Variants in CRACR2A observed in about 807,000 individuals in gnomAD.
The protein encoded by CRACR2A is calcium release activated channel regulator 2A.
In CRACR2A, 79 loss-of-function variants were observed where a neutral mutation model predicts 90.5. The observed-to-expected ratio is 0.87, with a 90% CI of 0.73 to 1.05. The LOEUF is 1.05. Among genes scored for constraint, CRACR2A ranks in the 50% least tolerant of loss-of-function variants. The pLI, the probability that CRACR2A is intolerant of heterozygous loss-of-function variation, is 0.00. For missense variants in CRACR2A, 823 were observed against 897.2 expected (o/e 0.92, Z 1.06); for synonymous variants, 338 against 356.7 (o/e 0.95, Z 0.59).
chr12:3,750,138 G>T (rs942853746), intron 1 of CRACR2A, among the ~76,000 whole-genome samples: 2 of 150,396 alleles, frequency 1.3e-5, no homozygotes, highest in Non-Finnish European at 2.9e-5. Flanking sequence ...GTTTTGCCAC[G>T]TTGGCCAGGC....
chr12:3,726,869 A>C (rs1012856143), intron 2 of CRACR2A: 2 of 152,194 alleles, frequency 1.3e-5, no homozygotes, highest in Non-Finnish European at 2.9e-5. Flanking sequence ...GAAAGAAAAA[A>C]AAAAGTGGCT....
intron 13 of CRACR2A, among the ~76,000 whole-genome samples, chr12:3,641,030 A>C (rs1944557614): frequency 6.6e-6 from 1 of 152,208 alleles, no homozygotes; most frequent in Non-Finnish European, 1.5e-5. Context: ...CTTCATAGCC[A>C]ATATAGTCAT....
intron 5 of CRACR2A, 62 bp downstream of exon 5, chr12:3,680,176 C>T (rs1945419029): frequency 7.3e-7 from 1 of 1,368,436 alleles, no homozygotes; most frequent in Admixed American, 1.7e-5. Flanking sequence ...GACAGGAATG[C>T]ACCTTATACA....
chr12:3,702,532 A>C (rs1168136597), intron 3 of CRACR2A, among the ~76,000 whole-genome samples: 1 of 152,198 alleles, frequency 6.6e-6, no homozygotes, highest in Non-Finnish European at 1.5e-5. Flanking sequence ...ATTGAAATAA[A>C]AATATCATTT....
chr12:3,649,814 A>G (rs1944762607), intron 10 of CRACR2A, among the ~76,000 whole-genome samples: 1 of 151,896 alleles, frequency 6.6e-6, no homozygotes, highest in Non-Finnish European at 1.5e-5. Context: ...GAAGGAAGAA[A>G]GGGAGGGAAG....
At chr12:3,648,710 G>A in intron 10 of CRACR2A, 97 bp from the exon 11 acceptor site, 2 of 1,497,778 alleles carry the variant, frequency 1.3e-6, no homozygotes, top group Non-Finnish European at 9.0e-7. Context: ...CCGTGCTGGG[G>A]ATGGAGGGCA....
intron 1 of CRACR2A, among the ~76,000 whole-genome samples, chr12:3,739,619 C>T (rs1946495830): frequency 6.6e-6 from 1 of 152,070 alleles, no homozygotes; most frequent in Non-Finnish European, 1.5e-5. Context: ...ATATTTTGAA[C>T]AAAATATTTA....
chr12:3,652,744 C>G (rs1347214006), intron 10 of CRACR2A, among the ~76,000 whole-genome samples: 1 of 152,064 alleles, frequency 6.6e-6, no homozygotes, highest in Non-Finnish European at 1.5e-5. Context: ...CTACCTGGTA[C>G]CTTTCAGGAT....
chr12:3,682,177 T>C (rs763906318), intron 4 of CRACR2A, among the ~76,000 whole-genome samples: 2 of 152,226 alleles, frequency 1.3e-5, no homozygotes, highest in Non-Finnish European at 2.9e-5. Flanking sequence ...ATTCCAGTCC[T>C]TCCTTTGGAT....
intron 3 of CRACR2A, among the ~76,000 whole-genome samples, chr12:3,704,227 A>C (rs1015553917): frequency 1.3e-5 from 2 of 152,264 alleles, no homozygotes; most frequent in Non-Finnish European, 2.9e-5. Flanking sequence ...AAAGGGAATG[A>C]ACTGTTGATC....
intron 2 of CRACR2A, among the ~76,000 whole-genome samples, chr12:3,714,633 GA>G (rs1486127615): frequency 6.6e-6 from 1 of 152,200 alleles, no homozygotes; most frequent in Admixed American, 6.5e-5. Flanking sequence ...GTAACCTTAA[GA>G]GATGATTTTT....
In CRACR2A at chr12:3,643,042, A is replaced by C. The variant is rs1228168734; in HGVS notation, c.1165-1204T>G. ...CCTTTCAAAGCAGAATGAGTTTGGC[A>C]GGTAAAGGGAAGGGAGGTGAAGGGA... On this transcript the variant is annotated intron_variant, in intron 12 of 19. Coordinates refer to ENST00000440314, the MANE Select transcript of CRACR2A (RefSeq NM_001144958.2). Among the ~76,000 whole-genome samples the C allele has an allele frequency of 2.6e-5, 4 of 152,202 alleles. No homozygotes were observed. The East Asian group carries it at 7.7e-4, about 29-fold the overall frequency.
rs766978894 is a variant in CRACR2A, at chr12:3,656,383, G to T, written c.786C>A (p.Arg262=). ...ACAGTTTCTGCTCCAGCTCTTGACT[G>T]CGGGCTTGAAACCTCTCTGTGTCCT... The part of the protein sequence containing the change: ...LLKDTERFQA[R]SQELEQKLLC... The change falls in exon 9 of 20, where the codon CGC becomes CGA. Residue 262 remains arginine (R), a synonymous_variant. Coordinates refer to ENST00000440314, the MANE Select transcript of CRACR2A (RefSeq NM_001144958.2). 1 of 1,614,110 alleles carries T rather than the reference G, an allele frequency of 6.2e-7. No individual in the cohort carries two copies. Among genetic ancestry groups the T allele is most frequent in the Non-Finnish European group, 8.5e-7 (1 of 1,180,024 alleles).
chr12:3,697,835 AG>A (rs1264744838), intron 3 of CRACR2A, among the ~76,000 whole-genome samples: 2 of 152,224 alleles, frequency 1.3e-5, no homozygotes, highest in African/African-American at 4.8e-5. Flanking sequence ...GGCTGTTTTC[AG>A]CCCAAACCGA....
intron 1 of CRACR2A, among the ~76,000 whole-genome samples, chr12:3,744,655 G>A (rs1946581073): frequency 6.6e-6 from 1 of 152,204 alleles, no homozygotes; most frequent in Non-Finnish European, 1.5e-5. Context: ...TCTCACAGAA[G>A]TGCTTTTGAT....
intron 13 of CRACR2A, among the ~76,000 whole-genome samples, chr12:3,640,235 A>G (rs1031418616): frequency 2.0e-5 from 3 of 152,188 alleles, no homozygotes; most frequent in African/African-American, 7.2e-5. Context: ...TCTGCATTAG[A>G]ATTCAGGGCT....
At chr12:3,745,825 T>TAAATAAAATAAAATAAAATAAAG in intron 1 of CRACR2A, among the ~76,000 whole-genome samples, 1 of 100,486 alleles carries the variant, frequency 1.0e-5, no homozygotes, top group Non-Finnish European at 2.0e-5. Context: ...TAAAATAAAA[T>TAAATAAAATAAAATAAAATAAAG]AAAGAAAGAA....
chr12:3,624,639 T>C (rs757308867), intron 17 of CRACR2A, among the ~76,000 whole-genome samples: 1 of 152,200 alleles, frequency 6.6e-6, no homozygotes, highest in African/African-American at 2.4e-5. Context: ...GAGCTCCTAG[T>C]GTGTGCTGGA....
intron 1 of CRACR2A, among the ~76,000 whole-genome samples, chr12:3,745,830 A>ATAAAATAAAATAAAAT (rs1946616005): frequency 2.7e-5 from 1 of 36,722 alleles, no homozygotes; most frequent in African/African-American, 1.0e-4. Flanking sequence ...TAAAATAAAG[A>ATAAAATAAAATAAAAT]AAGAAAAGAG....
Sources: allele counts gnomAD v4.1 joint callset (sites outside exome capture counted in the v4.1 genomes callset), GRCh38; gene constraint gnomAD v4.1.1; transcripts MANE v1.5; gene names NCBI Gene and HGNC (gene_info 2026-07-23, HGNC 2026-07-21).